The following TNPO3 variants were observed in gnomAD, a reference collection of about 807,000 sequenced individuals.
TNPO3 encodes the protein transportin 3, also known as transportin-3.
TNPO3 carries 65 observed loss-of-function variants against 122.8 expected under a neutral mutation model. That is an observed-to-expected ratio of 0.53 (90% confidence interval 0.43 to 0.65). TNPO3 has a LOEUF of 0.65. TNPO3 is among the 30% of genes least tolerant of loss of function. The pLI, the probability that TNPO3 is intolerant of heterozygous loss-of-function variation, is 0.00. For synonymous variants in TNPO3, 372 were observed against 411.2 expected, an observed-to-expected ratio of 0.90 and a Z score of 1.15; for missense variants, 850 against 1,136.7, an observed-to-expected ratio of 0.75 and a Z score of 3.63.
intron 9 of TNPO3, among the ~76,000 whole-genome samples, chr7:128,993,134 C>A (rs199620401): frequency 1.6e-4 from 23 of 144,760 alleles, no homozygotes; most frequent in South Asian, 4.4e-4. Context: ...ACTGAGTTAC[C>A]AAAAAAAAAA....
Position 129,035,465 on chromosome 7 carries a change from T to A in TNPO3, c.121-17308A>T, listed in dbSNP as rs114882945. Among the ~76,000 whole-genome samples, 1,041 of 152,066 alleles carry A rather than the reference T, an allele frequency of 6.8e-3. 13 individuals carry two copies. Among genetic ancestry groups the A allele is most frequent in the African/African-American group, 0.024 (1,005 of 41,504 alleles). On this transcript the variant is annotated intron_variant, in intron 1 of 22. Transcript: ENST00000265388. Reference sequence around the variant, plus strand: ...ACAAAAAAGAAAGAAAAAAAGAAATTAGCCAGATGTGGTGGTACATGCTTG... The same window carrying A: ...ACAAAAAAGAAAGAAAAAAAGAAATAAGCCAGATGTGGTGGTACATGCTTG...
intron 8 of TNPO3, among the ~76,000 whole-genome samples, chr7:128,995,337 T>C (rs1444848487): frequency 1.3e-5 from 2 of 152,172 alleles, no homozygotes; most frequent in Non-Finnish European, 2.9e-5. Flanking sequence ...GAGTTACCAA[T>C]TATAAGATGG....
At chr7:128,961,155 T>A (rs1035013145) in intron 21 of TNPO3, among the ~76,000 whole-genome samples, 3 of 152,180 alleles carry the variant, frequency 2.0e-5, no homozygotes, top group East Asian at 3.9e-4. Context: ...TAGTATACGG[T>A]AATGTCCTAG....
At chr7:128,957,160 C>T in intron 22 of TNPO3, 64 bp downstream of exon 22, 1 of 1,408,194 alleles carries the variant, frequency 7.1e-7, no homozygotes, top group South Asian at 1.2e-5. Flanking sequence ...AAACCTATCC[C>T]CATTCCCAGG....
intron 20 of TNPO3, among the ~76,000 whole-genome samples, chr7:128,968,888 A>G (rs1310647572): frequency 1.3e-5 from 2 of 151,792 alleles, no homozygotes; most frequent in East Asian, 3.9e-4. Context: ...TTAAAAAGAA[A>G]AAAAATTTTT....
chr7:129,042,232 T>G (rs1280470133), intron 1 of TNPO3, among the ~76,000 whole-genome samples: 1 of 152,200 alleles, frequency 6.6e-6, no homozygotes, highest in Non-Finnish European at 1.5e-5. Context: ...ACTTGAAAAG[T>G]AACATAAGTG....
intron 21 of TNPO3, among the ~76,000 whole-genome samples, chr7:128,965,645 C>T (rs924676806): frequency 3.3e-5 from 5 of 152,222 alleles, no homozygotes. Context: ...ATTTGTACAC[C>T]TGTGTTTATA....
Position 128,970,208 on chromosome 7 carries a change from G to A in TNPO3, c.2538C>T (p.Pro846=), listed in dbSNP as rs762040365. The part of the protein sequence containing the change: ...QLLHTCCFCL[P]PYTLPDVAEV... Reference sequence around the variant, plus strand: ...CAGCCACATCTGGTAGGGTATAGGGGGGGAGGCAAAAGCAGCAGGTGTGCA... The same window carrying A: ...CAGCCACATCTGGTAGGGTATAGGGAGGGAGGCAAAAGCAGCAGGTGTGCA... The change falls in exon 20 of 23, where the codon CCC becomes CCT. Residue 846 remains proline, a synonymous_variant. Coordinates refer to ENST00000265388, the MANE Select transcript of TNPO3 (RefSeq NM_012470.4). 2 of 1,614,178 alleles carry A rather than the reference G, an allele frequency of 1.2e-6. No individual in the cohort carries two copies. Among genetic ancestry groups the A allele is most frequent in the Non-Finnish European group, 1.7e-6 (2 of 1,180,026 alleles).
chr7:129,009,997 T>C (rs936291973), intron 4 of TNPO3, among the ~76,000 whole-genome samples: 1 of 152,024 alleles, frequency 6.6e-6, no homozygotes, highest in African/African-American at 2.4e-5. Flanking sequence ...TCCATCATAC[T>C]TCAAAAAGAC....
At chr7:128,970,682 T>A (rs1282824073) in intron 19 of TNPO3, 1 of 158,330 alleles carries the variant, frequency 6.3e-6, no homozygotes, top group Admixed American at 6.2e-5. Flanking sequence ...TAATTTTTTT[T>A]TAATGTGAAA....
chr7:128,999,095 C>A (rs1366008551), intron 7 of TNPO3, among the ~76,000 whole-genome samples: 2 of 152,136 alleles, frequency 1.3e-5, no homozygotes, highest in East Asian at 3.9e-4. Context: ...TTATGATCTG[C>A]CCACCTCGGC....
At position 128,984,187 on chromosome 7, in the gene TNPO3, T is replaced by C; in HGVS notation, c.1763A>G (p.Gln588Arg). 1 of 1,610,294 alleles carries C rather than the reference T, an allele frequency of 6.2e-7. No homozygotes were observed. Among genetic ancestry groups the C allele is most frequent in the Non-Finnish European group, 8.5e-7 (1 of 1,178,174 alleles). The change falls in exon 13 of 23, where the codon CAG becomes CGG. Residue 588 changes from glutamine to arginine, a missense_variant. Coordinates refer to ENST00000265388, the MANE Select transcript of TNPO3 (RefSeq NM_012470.4). ...TECLSELCSV[Q>R]VMALKKLLSQ... ...ACTTACCTTTTTCAATGCCATAACC[T>C]GAACAGAACATAGTTCACTAAGACA...
Position 128,997,447 on chromosome 7 carries a change from G to T in TNPO3, c.1100C>A (p.Ala367Asp). The T allele has an allele frequency of 6.2e-7, 1 of 1,614,184 alleles. No homozygotes were observed. The highest frequency in any genetic ancestry group is 8.5e-7 in the Non-Finnish European group (1 of 1,180,000). The change falls in exon 8 of 23, where the codon GCT (alanine) becomes GAT (aspartate). Residue 367 changes from alanine (A) to aspartate (D), a missense_variant. Physicochemically the swap from Ala to Asp is moderately radical, Grantham distance 126 (BLOSUM62 -2). Coordinates refer to ENST00000265388, the MANE Select transcript of TNPO3 (RefSeq NM_012470.4). ...NDEVIHGIFK[A>D]YIQRLLHALA... ...GGCGTGAAGCAGCCTCTGAATGTAA[G>T]CTTTGAAGATGCCATGAATAACTTC...
chr7:129,041,422 A>C (rs987135944), intron 1 of TNPO3: 2 of 494,926 alleles, frequency 4.0e-6, no homozygotes, highest in East Asian at 1.5e-4. Context: ...AATTCAACCA[A>C]ATCCTGATAC....
chr7:129,036,831 C>A (rs1033382070), intron 1 of TNPO3, among the ~76,000 whole-genome samples: 3 of 151,878 alleles, frequency 2.0e-5, no homozygotes, highest in Non-Finnish European at 4.4e-5. Context: ...TAAAAAAATA[C>A]GGTAACTGAA....
At chr7:129,046,159 G>A (rs1808014998) in intron 1 of TNPO3, among the ~76,000 whole-genome samples, 1 of 125,544 alleles carries the variant, frequency 8.0e-6, no homozygotes, top group Non-Finnish European at 1.6e-5. Flanking sequence ...TTGCACCACT[G>A]CACTCCAGCC....
chr7:128,978,480 G>A (rs1231858984), intron 16 of TNPO3, among the ~76,000 whole-genome samples: 1 of 152,112 alleles, frequency 6.6e-6, no homozygotes, highest in African/African-American at 2.4e-5. Context: ...TTTCACAATG[G>A]ACTGTGTTGC....
intron 12 of TNPO3, among the ~76,000 whole-genome samples, chr7:128,986,505 C>T (rs1431314263): frequency 6.6e-6 from 1 of 152,026 alleles, no homozygotes; most frequent in Non-Finnish European, 1.5e-5. Context: ...CTATATATAC[C>T]GCAAGTAGTA....
chr7:128,969,223 T>C (rs1390086414), intron 20 of TNPO3, among the ~76,000 whole-genome samples: 1 of 152,238 alleles, frequency 6.6e-6, no homozygotes, highest in African/African-American at 2.4e-5. Flanking sequence ...AAGCAGAGTA[T>C]GAAGACTTTT....
Sources: gnomAD v4.1 joint callset for allele counts (sites outside exome capture counted in the v4.1 genomes callset) on GRCh38, gnomAD v4.1.1 for gene constraint, MANE v1.5 for transcripts, NCBI Gene and HGNC (gene_info 2026-07-23, HGNC 2026-07-21) for gene names.